The following C4orf33 variants were observed in gnomAD, a reference collection of about 807,000 sequenced individuals.
The protein encoded by C4orf33 is UPF0462 protein C4orf33.
C4orf33 carries 20 observed loss-of-function variants against 24.3 expected under a neutral mutation model. That is an observed-to-expected ratio of 0.82 (90% CI 0.58 to 1.19). The LOEUF is 1.19. Among genes scored for constraint, C4orf33 ranks in the 50% most tolerant of loss-of-function variants. C4orf33 has a pLI of 0.00. For missense variants in C4orf33, 207 were observed against 225.9 expected, an observed-to-expected ratio of 0.92 and a Z score of 0.54; for synonymous variants, 67 against 76.4, an observed-to-expected ratio of 0.88 and a Z score of 0.64.
At chr4:129,095,239 C>G (rs978969014), upstream of C4orf33, among the ~76,000 whole-genome samples, 3 of 151,972 alleles carry the variant, frequency 2.0e-5, no homozygotes, top group African/African-American at 7.3e-5. Flanking sequence ...TTAAAGGATC[C>G]CCTCTCATGT....
At chr4:129,099,774 T>C (rs771296100) in intron 1 of C4orf33, among the ~76,000 whole-genome samples, 8 of 152,308 alleles carry the variant, frequency 5.3e-5, no homozygotes, top group Non-Finnish European at 8.8e-5. Flanking sequence ...TCTCAGAAGA[T>C]TACAGAGGGA....
chr4:129,115,951 TTTC>T lies in C4orf33; in HGVS notation c.*4163_*4165del, dbSNP rs1753771730. On this transcript the variant is annotated 3_prime_UTR_variant, in exon 6 of 6. Coordinates refer to ENST00000425929, the MANE Select transcript of C4orf33 (RefSeq NM_001099783.2). ...CTGGGCCCTACTCATTTTCTGATAA[TTTC>T]TTATCTTAATTTGCTCTGAAAGAGC... is the stretch of plus-strand genomic sequence containing the variant. 2.7e-5 allele frequency: 4 copies of T among 150,752 alleles called. No homozygotes were observed. In the South Asian group the frequency reaches 8.3e-4, roughly 31 times the overall value. 9.3% of individuals were successfully genotyped at this position (150,752 alleles called of 1,614,324 possible).
At chr4:129,099,914 C>A (rs574416323) in intron 1 of C4orf33, among the ~76,000 whole-genome samples, 4 of 150,648 alleles carry the variant, frequency 2.7e-5, no homozygotes, top group Admixed American at 6.6e-5. Context: ...GTTCTTTAAG[C>A]GATATAAAGT....
chr4:129,104,286 G>T (rs1235624545), intron 2 of C4orf33, among the ~76,000 whole-genome samples: 1 of 152,068 alleles, frequency 6.6e-6, no homozygotes, highest in Non-Finnish European at 1.5e-5. Context: ...CTTGCCAAAA[G>T]TTAGGCTTTC....
rs1291413962 is a variant in C4orf33, at chr4:129,113,315, A to C, written c.*1524A>C. ...AGATAAGGCATTTCCTTTTCTTCCA[A>C]TACCAAGCAAGCAAAAATACATTAT... On this transcript the variant is annotated 3_prime_UTR_variant, in exon 6 of 6. Coordinates refer to ENST00000425929, the MANE Select transcript of C4orf33 (RefSeq NM_001099783.2). 6.6e-6 allele frequency: 1 copy of C among 152,178 alleles called. No individual in the cohort carries two copies. The highest frequency in any genetic ancestry group is 1.5e-5 in the Non-Finnish European group (1 of 68,018). 9.4% of individuals were successfully genotyped at this position (152,178 alleles called of 1,614,324 possible). A position where few individuals can be genotyped will look rare whatever the true frequency, so the allele number is the denominator to read the frequency against.
In C4orf33 at chr4:129,115,503, C is replaced by A. The variant is rs1753759392; in HGVS notation, c.*3712C>A. 6.6e-6 allele frequency: 1 copy of A among 152,038 alleles called. No individual in the cohort carries two copies. Among genetic ancestry groups the A allele is most frequent in the African/African-American group, 2.4e-5 (1 of 41,390 alleles). The allele number at this position is 152,038 out of a possible 1,614,324, so 9.4% of individuals were successfully genotyped here. A position where few individuals can be genotyped will look rare whatever the true frequency, so the allele number is the denominator to read the frequency against. On this transcript the variant is annotated 3_prime_UTR_variant, in exon 6 of 6. Coordinates refer to ENST00000425929, the MANE Select transcript of C4orf33 (RefSeq NM_001099783.2). Reference sequence around the variant, plus strand: ...ACAGGATTCAGTGGATAAATACTCCCCTTTTCCGTCCCTTGGGCAGACAAT... The same window carrying A: ...ACAGGATTCAGTGGATAAATACTCCACTTTTCCGTCCCTTGGGCAGACAAT...
In C4orf33 at chr4:129,102,747, T is replaced by G; in HGVS notation, c.137T>G (p.Leu46Arg). ...TTTTTCAGGGATCCTCCAGCCCCAC[T>G]TGGAGAACCAGGAAAACCTTTCAAT... Reference protein sequence around the residue: ...APFFRDPPAPLGEPGKPFNEL... With the variant: ...APFFRDPPAPRGEPGKPFNEL... Residue 46 changes from leucine (L) to arginine (R), a missense_variant, in exon 2 of 6, where the codon CTT becomes CGT. Coordinates refer to ENST00000425929, the MANE Select transcript of C4orf33 (RefSeq NM_001099783.2). 6.2e-7 allele frequency: 1 copy of G among 1,613,950 alleles called. No homozygotes were observed. The highest frequency in any genetic ancestry group is 8.5e-7 in the Non-Finnish European group (1 of 1,179,928).
chr4:129,109,035 C>T (rs930204959), intron 3 of C4orf33, among the ~76,000 whole-genome samples: 5 of 152,130 alleles, frequency 3.3e-5, no homozygotes, highest in Non-Finnish European at 7.3e-5. Flanking sequence ...TACAGGCACA[C>T]GCCACCATGC....
chr4:129,104,123 T>C (rs907233533), intron 2 of C4orf33, among the ~76,000 whole-genome samples: 1 of 152,176 alleles, frequency 6.6e-6, no homozygotes, highest in African/African-American at 2.4e-5. Context: ...GTACTAACAA[T>C]ACATTAAATC....
chr4:129,099,682 G>A (rs924023318), intron 1 of C4orf33, among the ~76,000 whole-genome samples: 8 of 152,186 alleles, frequency 5.3e-5, no homozygotes, highest in African/African-American at 1.2e-4. Context: ...CCCAAGAGGT[G>A]AAGGACATTG....
chr4:129,108,932 G>T (rs927769335), intron 3 of C4orf33, among the ~76,000 whole-genome samples: 1 of 151,412 alleles, frequency 6.6e-6, no homozygotes, highest in Non-Finnish European at 1.5e-5. Context: ...TTGTTGCCAC[G>T]CTGGAGTACA....
chr4:129,110,846 A>G (rs530306130), intron 5 of C4orf33, among the ~76,000 whole-genome samples: 1 of 150,088 alleles, frequency 6.7e-6, no homozygotes, highest in East Asian at 2.0e-4. Flanking sequence ...CTTATCCTTC[A>G]CTGTTTTTTC....
chr4:129,105,123 G>A (rs775225512), intron 2 of C4orf33, among the ~76,000 whole-genome samples: 4 of 152,080 alleles, frequency 2.6e-5, no homozygotes, highest in Non-Finnish European at 5.9e-5. Flanking sequence ...AATTGTGGCA[G>A]CTAGCAAGTC....
At chr4:129,105,506 A>C (rs571676400) in intron 2 of C4orf33, among the ~76,000 whole-genome samples, 10 of 152,330 alleles carry the variant, frequency 6.6e-5, no homozygotes, top group Admixed American at 3.3e-4. Flanking sequence ...TATATAAAAG[A>C]TTTAAAAAGG....
intron 2 of C4orf33, among the ~76,000 whole-genome samples, chr4:129,106,004 T>A (rs919137328): frequency 6.6e-6 from 1 of 152,156 alleles, no homozygotes; most frequent in Non-Finnish European, 1.5e-5. Flanking sequence ...GCAGCTGACT[T>A]ATCGAATATC....
At position 129,102,498 on chromosome 4, in the gene C4orf33, G is replaced by A. The variant is rs149418505; in HGVS notation, c.-9-104G>A. ...AGGACTGTGCTCTTGCCACTCTGCTGCCTTTCCCGTCTGCTGTTTGGCATT... is the reference window on the plus strand; with the variant it reads ...AGGACTGTGCTCTTGCCACTCTGCTACCTTTCCCGTCTGCTGTTTGGCATT... On this transcript the variant is annotated intron_variant, in intron 1 of 5. Transcript: ENST00000425929. 5.6e-3 allele frequency: 4,530 copies of A among 808,042 alleles called. 29 individuals are homozygous for A. Among genetic ancestry groups the A allele is most frequent in the Non-Finnish European group, 7.6e-3 (3,973 of 523,444 alleles). 50.1% of individuals were successfully genotyped at this position (808,042 alleles called of 1,614,324 possible). A position where few individuals can be genotyped will look rare whatever the true frequency, so the allele number is the denominator to read the frequency against.
In C4orf33 at chr4:129,112,075, G is replaced by A; in HGVS notation, c.*284G>A. The A allele has an allele frequency of 4.5e-6, 1 of 222,272 alleles. No homozygotes were observed. Among genetic ancestry groups the A allele is most frequent in the Non-Finnish European group, 8.8e-6 (1 of 113,026 alleles). 13.8% of individuals were successfully genotyped at this position (222,272 alleles called of 1,614,324 possible). ...GTACAGTTATTCTTGAAAACTACAA[G>A]TGAAAAAGGGGGAACAATTGAGGTT... On this transcript the variant is annotated 3_prime_UTR_variant, in exon 6 of 6. Coordinates refer to ENST00000425929, the MANE Select transcript of C4orf33 (RefSeq NM_001099783.2).
At chr4:129,105,032 TTATGTATG>T (rs765466534) in intron 2 of C4orf33, among the ~76,000 whole-genome samples, 25 of 151,858 alleles carry the variant, frequency 1.6e-4, no homozygotes, top group Non-Finnish European at 2.9e-4. Context: ...GTATGTGTGC[TTATGTATG>T]TATGTATGTA....
In C4orf33 at chr4:129,111,979, A is replaced by G. The variant is rs1753702697; in HGVS notation, c.*188A>G. On this transcript the variant is annotated 3_prime_UTR_variant, in exon 6 of 6. Transcript: ENST00000425929. Reference sequence around the variant, plus strand: ...CAAGAAAATATATGATTCTTTGTAGATGATTTCATCTGTAAAGTCACAATG... The same window carrying G: ...CAAGAAAATATATGATTCTTTGTAGGTGATTTCATCTGTAAAGTCACAATG... The G allele has an allele frequency of 2.2e-6, 1 of 458,666 alleles. No homozygotes were observed. Among genetic ancestry groups the G allele is most frequent in the African/African-American group, 2.0e-5 (1 of 49,916 alleles). The allele number at this position is 458,666 out of a possible 1,614,324, so 28.4% of individuals were successfully genotyped here.
Sources: gnomAD v4.1 joint callset for allele counts (sites outside exome capture counted in the v4.1 genomes callset) on GRCh38, gnomAD v4.1.1 for gene constraint, MANE v1.5 for transcripts, NCBI Gene and HGNC (gene_info 2026-07-23, HGNC 2026-07-21) for gene names.